The following ORMDL1 variants were observed in gnomAD, a reference collection of about 807,000 sequenced individuals.
ORMDL1 encodes the protein ORMDL sphingolipid biosynthesis regulator 1.
Under a neutral mutation model 13.0 loss-of-function variants are expected in ORMDL1, and 10 were observed. That is an observed-to-expected ratio of 0.77 (90% CI 0.47 to 1.30). ORMDL1 has a LOEUF of 1.30. ORMDL1 is among the 50% of genes most tolerant of loss of function. The probability of loss-of-function intolerance (pLI) is 0.00; values close to 1 mark genes in which losing one functional copy is unlikely to be tolerated. For synonymous variants in ORMDL1, 61 were observed against 63.9 expected (o/e 0.95, Z 0.22); for missense variants, 171 against 186.7 (o/e 0.92, Z 0.49).
intron 3 of ORMDL1, among the ~76,000 whole-genome samples, chr2:189,777,055 C>T (rs977520877): frequency 6.6e-6 from 1 of 152,166 alleles, no homozygotes; most frequent in African/African-American, 2.4e-5. Context: ...AGGTTCAGCT[C>T]AAATAACAAT....
chr2:189,766,109 G>A (rs1287776988), downstream of ORMDL1, among the ~76,000 whole-genome samples: 1 of 152,172 alleles, frequency 6.6e-6, no homozygotes, highest in Non-Finnish European at 1.5e-5. Context: ...ACAGGCGTGA[G>A]CCACCACGCC....
chr2:189,776,600 A>G (rs970424957), intron 3 of ORMDL1, among the ~76,000 whole-genome samples: 1 of 152,106 alleles, frequency 6.6e-6, no homozygotes, highest in African/African-American at 2.4e-5. Context: ...TCCTACCTCT[A>G]CTTTTAATGA....
Position 189,777,589 on chromosome 2 carries a change from A to G in ORMDL1, c.175-1873T>C, listed in dbSNP as rs570438050. Among the ~76,000 whole-genome samples the G allele has an allele frequency of 5.3e-5, 8 of 152,288 alleles. No homozygotes were observed. In the South Asian group the frequency reaches 1.7e-3, roughly 32 times the overall value. On this transcript the variant is annotated intron_variant, in intron 3 of 4. Coordinates refer to ENST00000392349, the MANE Select transcript of ORMDL1 (RefSeq NM_016467.5). ...CTGGCCATATATCTACTGCCCCAAT[A>G]TTTTTTAAATTGTTTTTATGTAAAA...
chr2:189,772,230 T>C (rs1205607985), intron 4 of ORMDL1, among the ~76,000 whole-genome samples: 1 of 152,172 alleles, frequency 6.6e-6, no homozygotes, highest in Non-Finnish European at 1.5e-5. Flanking sequence ...TGTATTTCCA[T>C]GTATGTTTCT....
chr2:189,778,291 A>G, intron 3 of ORMDL1: 1 of 423,854 alleles, frequency 2.4e-6, no homozygotes, highest in Middle Eastern at 7.9e-4. Flanking sequence ...GCGACTCAGG[A>G]GGCTGAGGCA....
At chr2:189,765,885 G>C (rs113867597), downstream of ORMDL1, among the ~76,000 whole-genome samples, 1 of 130,554 alleles carries the variant, frequency 7.7e-6, no homozygotes, top group African/African-American at 2.9e-5. Context: ...GATTGCAATT[G>C]GTGTGAGGTT....
chr2:189,767,339 T>C (rs2106133604), downstream of ORMDL1, among the ~76,000 whole-genome samples: 1 of 152,360 alleles, frequency 6.6e-6, no homozygotes, highest in East Asian at 1.9e-4. Flanking sequence ...AAAGGATCTC[T>C]GTATTTTCAC....
intron 4 of ORMDL1, among the ~76,000 whole-genome samples, chr2:189,773,322 T>C (rs1472999326): frequency 1.3e-5 from 2 of 152,172 alleles, no homozygotes; most frequent in Non-Finnish European, 1.5e-5. Flanking sequence ...AACAGCTATA[T>C]TGGAAAGAGA....
chr2:189,767,995 A>G (rs778512126), downstream of ORMDL1, among the ~76,000 whole-genome samples: 1 of 152,366 alleles, frequency 6.6e-6, no homozygotes, highest in East Asian at 1.9e-4. Context: ...TTTGATGCTT[A>G]TAATTCTCAT....
Position 189,775,647 on chromosome 2 carries a change from G to C in ORMDL1, c.244C>G (p.Leu82Val). The C allele has an allele frequency of 6.2e-7, 1 of 1,613,982 alleles. No homozygotes were observed. The highest frequency in any genetic ancestry group is 8.5e-7 in the Non-Finnish European group (1 of 1,179,866). Residue 82 changes from leucine (L) to valine (V), a missense_variant, in exon 4 of 5, where the codon CTC becomes GTC. Coordinates refer to ENST00000392349, the MANE Select transcript of ORMDL1 (RefSeq NM_016467.5). Reference protein sequence around the residue: ...FETPDQGKARLLTHWEQLDYG... With the variant: ...FETPDQGKARVLTHWEQLDYG... ...TCCAGTTGTTCCCAATGAGTTAGGA[G>C]CCTTGCTTTACCCTGGTCAGGAGTT...
the ORMDL1 span, chr2:189,764,149 G>A: frequency 5.1e-4 from 78 of 152,136 alleles, no homozygotes; most frequent in African/African-American, 1.8e-3. Flanking sequence ...TTTTCTCTAG[G>A]GTGCACTGTT....
rs199542172 is a variant in ORMDL1, at chr2:189,771,792, C to T, written c.437G>A (p.Arg146Gln). The change falls in exon 5 of 5, where the codon CGG (arginine) becomes CAG (glutamine). Residue 146 changes from arginine to glutamine, a missense_variant. By Grantham distance (43) the Arg-to-Gln change is conservative. Coordinates refer to ENST00000392349, the MANE Select transcript of ORMDL1 (RefSeq NM_016467.5). ...TCAATACTTATTAATTCCAAAGATC[C>T]GAACACCATGTAGTTGTGGCATTTT... The part of the protein sequence containing the change: ...IPKMPQLHGV[R>Q]IFGINKY 21 of 1,603,684 alleles carry T rather than the reference C, an allele frequency of 1.3e-5. No homozygotes were observed. Among genetic ancestry groups the T allele is most frequent in the Admixed American group, 3.5e-5 (2 of 57,096 alleles).
At chr2:189,769,103 G>A (rs1051888567), downstream of ORMDL1, among the ~76,000 whole-genome samples, 5 of 152,116 alleles carry the variant, frequency 3.3e-5, no homozygotes, top group East Asian at 9.6e-4. Flanking sequence ...AAGGTAGGGG[G>A]CCCGGCATGT....
At chr2:189,777,091 TA>T (rs1460622804) in intron 3 of ORMDL1, among the ~76,000 whole-genome samples, 4 of 152,196 alleles carry the variant, frequency 2.6e-5, no homozygotes, top group Non-Finnish European at 5.9e-5. Context: ...ACCTCATTAG[TA>T]ATAATTAATC....
In ORMDL1 at chr2:189,773,722, C is replaced by CAAAAA. The variant is rs56366510; in HGVS notation, c.327-1825_327-1821dup. Among the ~76,000 whole-genome samples, 167 of 64,320 alleles carry CAAAAA rather than the reference C, an allele frequency of 2.6e-3. 13 individuals carry two copies. The highest frequency in any genetic ancestry group is 6.3e-3 in the East Asian group (11 of 1,740). 42.2% of individuals were successfully genotyped at this position (64,320 alleles called of 152,430 possible). ...GGGCAGCAGAGCAAGACTCTTGTCT[C>CAAAAA]AAAAAAAAAAAAAATTCTGGAATAA... is the stretch of plus-strand genomic sequence containing the variant. On this transcript the variant is annotated intron_variant, in intron 4 of 4. Coordinates refer to ENST00000392349, the MANE Select transcript of ORMDL1 (RefSeq NM_016467.5).
At chr2:189,777,923 T>G (rs930408981) in intron 3 of ORMDL1, among the ~76,000 whole-genome samples, 1 of 152,242 alleles carries the variant, frequency 6.6e-6, no homozygotes, top group African/African-American at 2.4e-5. Flanking sequence ...ATTGGTTTAA[T>G]GTGGCTATAT....
downstream of ORMDL1, among the ~76,000 whole-genome samples, chr2:189,766,724 CAAAAAA>C (rs58840698): frequency 6.8e-6 from 1 of 146,424 alleles, no homozygotes; most frequent in Non-Finnish European, 1.5e-5. Context: ...ACTCCCGTCT[CAAAAAA>C]AAAAAAACAA....
chr2:189,777,609 G>C (rs2047728285), intron 3 of ORMDL1, among the ~76,000 whole-genome samples: 1 of 152,222 alleles, frequency 6.6e-6, no homozygotes, highest in Non-Finnish European at 1.5e-5. Flanking sequence ...TTGTTTTTAT[G>C]TAAAAATGTT....
chr2:189,783,946 G>A (rs2047993656), intron 1 of ORMDL1: 1 of 152,358 alleles, frequency 6.6e-6, no homozygotes, highest in Admixed American at 6.5e-5. Context: ...CGGCCCCTCA[G>A]GGGAGTCCCC....
Sources: gnomAD v4.1 joint callset for allele counts (sites outside exome capture counted in the v4.1 genomes callset) on GRCh38, gnomAD v4.1.1 for gene constraint, MANE v1.5 for transcripts, NCBI Gene and HGNC (gene_info 2026-07-23, HGNC 2026-07-21) for gene names.